PNMA6F: variants seen among roughly 807,000 people sequenced by gnomAD.
PNMA6F encodes the protein PNMA family member 6F.
For missense variants in PNMA6F, 57 were observed against 10.8 expected (o/e 5.25, Z -5.98); for synonymous variants, 14 against 3.4 (o/e 4.15, Z -3.45).
Position 153,320,160 on chromosome X carries a change from G to T in PNMA6F, c.515C>A (p.Ala172Glu). The T allele has an allele frequency of 3.2e-6, 1 of 312,695 alleles. No homozygotes were observed. The highest frequency in any genetic ancestry group is 1.2e-4 in the South Asian group (1 of 8,684). The allele number at this position is 312,695 out of a possible 1,213,427, so 25.8% of individuals were successfully genotyped here. The change falls in exon 2 of 2, where the codon GCA becomes GAA. Residue 172 changes from alanine (A) to glutamate (E), a missense_variant. By Grantham distance (107) the Ala-to-Glu change is moderately radical. Coordinates refer to ENST00000436629, the MANE Select transcript of PNMA6F (RefSeq NM_001354980.2). ...GEAGAAGEAG[A>E]AGEAGGAGEA... ...ACCTGCACCTCCTGCCTCACCTGCT[G>T]CTCCTGCCTCACCTGCTGCTCCTGC...
rs2051976616 is a variant in PNMA6F, at chrX:153,319,090, T to G, written c.1585A>C (p.Ser529Arg). The G allele has an allele frequency of 6.6e-6, 2 of 303,786 alleles. No homozygotes were observed. The highest frequency in any genetic ancestry group is 1.2e-4 in the Admixed American group (2 of 16,668). 25.0% of individuals were successfully genotyped at this position (303,786 alleles called of 1,213,427 possible). A position where few individuals can be genotyped will look rare whatever the true frequency, so the allele number is the denominator to read the frequency against. Reference protein sequence around the residue: ...SAVDMAPGGPSWEPEGLVQVG... With the variant: ...SAVDMAPGGPRWEPEGLVQVG... ...TGGACAAGGCCCTCTGGCTCCCAGC[T>G]GGGACCTCCTGGGGCCATGTCGACT... Residue 529 changes from serine to arginine, a missense_variant, in exon 2 of 2, where the codon AGC becomes CGC. Coordinates refer to ENST00000436629, the MANE Select transcript of PNMA6F (RefSeq NM_001354980.2).
In PNMA6F at chrX:153,318,822, G is replaced by A. The variant is rs1184584460; in HGVS notation, c.*116C>T. 2 of 296,700 alleles carry A rather than the reference G, an allele frequency of 6.7e-6. No individual in the cohort carries two copies. The highest frequency in any genetic ancestry group is 2.2e-4 in the South Asian group (1 of 4,508). 24.5% of individuals were successfully genotyped at this position (296,700 alleles called of 1,213,427 possible). On this transcript the variant is annotated 3_prime_UTR_variant, in exon 2 of 2. Coordinates refer to ENST00000436629, the MANE Select transcript of PNMA6F (RefSeq NM_001354980.2). Reference sequence around the variant, plus strand: ...GGTGGTGGTGGCCAGGACCCATTAGGGGAGGTGGGAGGCACAGCTCCCAAC... The same window carrying A: ...GGTGGTGGTGGCCAGGACCCATTAGAGGAGGTGGGAGGCACAGCTCCCAAC...
chrX:153,319,648 A>G lies in PNMA6F; in HGVS notation c.1027T>C (p.Phe343Leu). Residue 343 changes from phenylalanine to leucine, a missense_variant, in exon 2 of 2, where the codon TTC becomes CTC. By Grantham distance (22) the Phe-to-Leu change is conservative. Coordinates refer to ENST00000436629, the MANE Select transcript of PNMA6F (RefSeq NM_001354980.2). The stretch of plus-strand genomic sequence containing the variant: ...TGGGGCCCCTGCGTGCAGGTCAGGA[A>G]CTTCATCCGCGAGGTCATCCATGTA... ...RDTWMTSRMK[F>L]LTCTQGPQEG... 1 of 298,056 alleles carries G rather than the reference A, an allele frequency of 3.4e-6. No homozygotes were observed. Among genetic ancestry groups the G allele is most frequent in the Non-Finnish European group, 5.9e-6 (1 of 170,502 alleles). The allele number at this position is 298,056 out of a possible 1,213,427, so 24.6% of individuals were successfully genotyped here.
chrX:153,319,343 C>T lies in PNMA6F; in HGVS notation c.1332G>A (p.Val444=), dbSNP rs1327219188. Residue 444 remains valine, a synonymous_variant, in exon 2 of 2, where the codon GTG becomes GTA. Transcript: ENST00000436629. ...GGGCAGCAGCTGGGTCTTCACTCTC[C>T]ACTGGGGCCGCTGCCCAGGCCACAC... ...QQGVAWAAAP[V]ESEDPAAAQA... 18 of 297,052 alleles carry T rather than the reference C, an allele frequency of 6.1e-5. No homozygotes were observed. Among genetic ancestry groups the T allele is most frequent in the Non-Finnish European group, 8.8e-5 (15 of 170,157 alleles). The allele number at this position is 297,052 out of a possible 1,213,427, so 24.5% of individuals were successfully genotyped here. A position where few individuals can be genotyped will look rare whatever the true frequency, so the allele number is the denominator to read the frequency against.
At position 153,320,130 on chromosome X, in the gene PNMA6F, G is replaced by T. The variant is rs1353493339; in HGVS notation, c.545C>A (p.Ala182Glu). ...ACCTCCTGCCTCACCTGCACCTCCT[G>T]CCTCACCTGCACCTCCTGCCTCACC... The part of the protein sequence containing the change: ...AAGEAGGAGE[A>E]GGAGEAGGAG... Residue 182 changes from alanine (A) to glutamate (E), a missense_variant, in exon 2 of 2, where the codon GCA becomes GAA. By Grantham distance (107) the Ala-to-Glu change is moderately radical. Transcript: ENST00000436629. 2.6e-5 allele frequency: 9 copies of T among 348,895 alleles called. No homozygotes were observed. Among genetic ancestry groups the T allele is most frequent in the Non-Finnish European group, 3.9e-5 (8 of 205,296 alleles). The allele number at this position is 348,895 out of a possible 1,213,427, so 28.8% of individuals were successfully genotyped here. A position where few individuals can be genotyped will look rare whatever the true frequency, so the allele number is the denominator to read the frequency against.
chrX:153,319,189 C>T lies in PNMA6F; in HGVS notation c.1486G>A (p.Ala496Thr). 3.3e-6 allele frequency: 1 copy of T among 298,555 alleles called. No homozygotes were observed. The highest frequency in any genetic ancestry group is 5.9e-6 in the Non-Finnish European group (1 of 170,601). 24.6% of individuals were successfully genotyped at this position (298,555 alleles called of 1,213,427 possible). A position where few individuals can be genotyped will look rare whatever the true frequency, so the allele number is the denominator to read the frequency against. Residue 496 changes from alanine (A) to threonine (T), a missense_variant, in exon 2 of 2, where the codon GCA becomes ACA. Ala to Thr is a moderately conservative substitution (Grantham distance 58, BLOSUM62 0). Transcript: ENST00000436629. ...PATGEDENAP[A>T]GLEGLGQGRS... is the part of the protein sequence containing the mutation. ...CCCTGACCTAGGCCTTCAAGGCCTG[C>T]AGGGGCATTTTCATCTTCCCCAGTG... is the stretch of plus-strand genomic sequence containing the variant.
Position 153,320,318 on chromosome X carries a change from T to C in PNMA6F, c.357A>G (p.Glu119=), listed in dbSNP as rs1018693955. The C allele has an allele frequency of 2.0e-4, 62 of 314,836 alleles. No homozygotes were observed. The highest frequency in any genetic ancestry group is 1.7e-3 in the Middle Eastern group (2 of 1,185). 25.9% of individuals were successfully genotyped at this position (314,836 alleles called of 1,213,427 possible). Residue 119 remains glutamate (E), a synonymous_variant, in exon 2 of 2, where the codon GAA becomes GAG. Transcript: ENST00000436629. The part of the protein sequence containing the change: ...QGQAVARGAG[E]AGAAGEAGSV... Reference sequence around the variant, plus strand: ...ATCCTGCCTCACCTGCAGCTCCTGCTTCACCTGCACCTCTGGCCACTGCTT... The same window carrying C: ...ATCCTGCCTCACCTGCAGCTCCTGCCTCACCTGCACCTCTGGCCACTGCTT...
At position 153,319,226 on chromosome X, in the gene PNMA6F, C is replaced by G. The variant is rs782502870; in HGVS notation, c.1449G>C (p.Arg483Ser). The change falls in exon 2 of 2, where the codon AGG (arginine) becomes AGC (serine). Residue 483 changes from arginine (R) to serine (S), a missense_variant. By Grantham distance (110) the Arg-to-Ser change is moderately radical. Coordinates refer to ENST00000436629, the MANE Select transcript of PNMA6F (RefSeq NM_001354980.2). ...EAASTTKEAA[R>S]VAPATGEDEN... ...CATCTTCCCCAGTGGCAGGGGCAAC[C>G]CTGGCGGCCTCTTTGGTGGTGGAAG... 4 of 298,503 alleles carry G rather than the reference C, an allele frequency of 1.3e-5. No individual in the cohort carries two copies. Among genetic ancestry groups the G allele is most frequent in the Non-Finnish European group, 2.3e-5 (4 of 170,582 alleles). The allele number at this position is 298,503 out of a possible 1,213,427, so 24.6% of individuals were successfully genotyped here. A position where few individuals can be genotyped will look rare whatever the true frequency, so the allele number is the denominator to read the frequency against.
rs2051982471 is a variant in PNMA6F at position 153,319,719 on chromosome X, G to A, written c.956C>T (p.Ala319Val). ...CCCCAGCGCCGTCAGGCAGTCCTGC[G>A]CAGAGAAGTCTGGATCTTCCTCCAG... is the stretch of plus-strand genomic sequence containing the variant. ...GLLEEDPDFS[A>V]QDCLTALGQV... is the part of the protein sequence containing the mutation. The change falls in exon 2 of 2, where the codon GCG (alanine) becomes GTG (valine). Residue 319 changes from alanine (A) to valine (V), a missense_variant. Transcript: ENST00000436629. 10 of 298,009 alleles carry A rather than the reference G, an allele frequency of 3.4e-5. No individual in the cohort carries two copies. Among genetic ancestry groups the A allele is most frequent in the Admixed American group, 6.0e-5 (1 of 16,557 alleles). The allele number at this position is 298,009 out of a possible 1,213,427, so 24.6% of individuals were successfully genotyped here.
chrX:153,321,389 A>C (rs868913741), intron 1 of PNMA6F, 163 bp downstream of exon 1: 106 of 7,674 alleles, frequency 0.014, no homozygotes, highest in Non-Finnish European at 0.016. Context: ...CCTACCCCCC[A>C]CCCCCGCCCC....
At position 153,320,229 on chromosome X, in the gene PNMA6F, A is replaced by G. The variant is rs782246062; in HGVS notation, c.446T>C (p.Ile149Thr). Residue 149 changes from isoleucine (I) to threonine (T), a missense_variant, in exon 2 of 2, where the codon ATA becomes ACA. Physicochemically the swap from Ile to Thr is moderately conservative, Grantham distance 89 (BLOSUM62 -1). Transcript: ENST00000436629. ...RSAGEDEAGG[I>T]GEAGGVGEAG... Reference sequence around the variant, plus strand: ...CTCACCTACACCTCCTGCCTCACCTATACCTCCTGCCTCATCTTCACCTGC... The same window carrying G: ...CTCACCTACACCTCCTGCCTCACCTGTACCTCCTGCCTCATCTTCACCTGC... 8.7e-5 allele frequency: 28 copies of G among 320,854 alleles called. No individual in the cohort carries two copies. Among genetic ancestry groups the G allele is most frequent in the African/African-American group, 8.4e-4 (28 of 33,514 alleles). The allele number at this position is 320,854 out of a possible 1,213,427, so 26.4% of individuals were successfully genotyped here.
Position 153,320,251 on chromosome X carries a change from C to T in PNMA6F, c.424G>A (p.Gly142Ser), listed in dbSNP as rs1328043424. Residue 142 changes from glycine to serine, a missense_variant, in exon 2 of 2, where the codon GGT (glycine) becomes AGT (serine). Coordinates refer to ENST00000436629, the MANE Select transcript of PNMA6F (RefSeq NM_001354980.2). ...CCTATACCTCCTGCCTCATCTTCAC[C>T]TGCAGATCTTTCCTCATTCACACCT... ...AGGVNEERSA[G>S]EDEAGGIGEA... The T allele has an allele frequency of 3.0e-6, 1 of 328,910 alleles. No homozygotes were observed. Among genetic ancestry groups the T allele is most frequent in the Non-Finnish European group, 5.2e-6 (1 of 190,971 alleles). 27.1% of individuals were successfully genotyped at this position (328,910 alleles called of 1,213,427 possible).
Position 153,319,951 on chromosome X carries a change from G to A in PNMA6F, c.724C>T (p.Arg242Trp), listed in dbSNP as rs1487180365. 20 of 304,479 alleles carry A rather than the reference G, an allele frequency of 6.6e-5. No individual in the cohort carries two copies. Among genetic ancestry groups the A allele is most frequent in the Admixed American group, 1.8e-4 (3 of 16,761 alleles). The allele number at this position is 304,479 out of a possible 1,213,427, so 25.1% of individuals were successfully genotyped here. A position where few individuals can be genotyped will look rare whatever the true frequency, so the allele number is the denominator to read the frequency against. ...TAGGCCATAGTTTTCACCAGAGGCC[G>A]CAGGGTCTGGCGCCATGACTGGGTC... ...AWTQSWRQTL[R>W]PLVKTMAYRE... The change falls in exon 2 of 2, where the codon CGG (arginine) becomes TGG (tryptophan). Residue 242 changes from arginine (R) to tryptophan (W), a missense_variant. By Grantham distance (101) the Arg-to-Trp change is moderately radical. Coordinates refer to ENST00000436629, the MANE Select transcript of PNMA6F (RefSeq NM_001354980.2).
At position 153,320,025 on chromosome X, in the gene PNMA6F, T is replaced by G. The variant is rs2051985317; in HGVS notation, c.650A>C (p.Glu217Ala). ...GGAGEEGGED[E>A]AGAAGEAVGA... Reference sequence around the variant, plus strand: ...TACTGCCTCACCTGCAGCTCCTGCCTCATCTTCACCTCCTTCCTCACCTGC... The same window carrying G: ...TACTGCCTCACCTGCAGCTCCTGCCGCATCTTCACCTCCTTCCTCACCTGC... Residue 217 changes from glutamate to alanine, a missense_variant, in exon 2 of 2, where the codon GAG becomes GCG. Physicochemically the swap from Glu to Ala is moderately radical, Grantham distance 107. Transcript: ENST00000436629. 1 of 352,303 alleles carries G rather than the reference T, an allele frequency of 2.8e-6. No homozygotes were observed. The highest frequency in any genetic ancestry group is 4.9e-6 in the Non-Finnish European group (1 of 206,024). 29.0% of individuals were successfully genotyped at this position (352,303 alleles called of 1,213,427 possible).
In PNMA6F at chrX:153,319,342, C is replaced by T. The variant is rs1433235829; in HGVS notation, c.1333G>A (p.Glu445Lys). The T allele has an allele frequency of 1.7e-5, 5 of 296,819 alleles. No individual in the cohort carries two copies. The highest frequency in any genetic ancestry group is 5.4e-5 in the African/African-American group (2 of 36,736). The allele number at this position is 296,819 out of a possible 1,213,427, so 24.5% of individuals were successfully genotyped here. A position where few individuals can be genotyped will look rare whatever the true frequency, so the allele number is the denominator to read the frequency against. Reference protein sequence around the residue: ...QGVAWAAAPVESEDPAAAQAS... With the variant: ...QGVAWAAAPVKSEDPAAAQAS... ...TGGGCAGCAGCTGGGTCTTCACTCTCCACTGGGGCCGCTGCCCAGGCCACA... is the reference window on the plus strand; with the variant it reads ...TGGGCAGCAGCTGGGTCTTCACTCTTCACTGGGGCCGCTGCCCAGGCCACA... The change falls in exon 2 of 2, where the codon GAG becomes AAG. Residue 445 changes from glutamate (E) to lysine (K), a missense_variant. Physicochemically the swap from Glu to Lys is moderately conservative, Grantham distance 56. Coordinates refer to ENST00000436629, the MANE Select transcript of PNMA6F (RefSeq NM_001354980.2).
Position 153,321,753 on chromosome X carries a change from C to G in PNMA6F, c.-285G>C, listed in dbSNP as rs1228070957. The stretch of plus-strand genomic sequence containing the variant: ...CAGGGCTTCCCGCTTCTCCCAGAAG[C>G]CCCAGGTAGATGAGGAAGAAAAATT... On this transcript the variant is annotated 5_prime_UTR_variant, in exon 1 of 2. Transcript: ENST00000436629. 1.8e-5 allele frequency: 2 copies of G among 110,282 alleles called. No homozygotes were observed. The highest frequency in any genetic ancestry group is 6.6e-5 in the African/African-American group (2 of 30,256). The allele number at this position is 110,282 out of a possible 1,213,427, so 9.1% of individuals were successfully genotyped here. A position where few individuals can be genotyped will look rare whatever the true frequency, so the allele number is the denominator to read the frequency against.
chrX:153,320,907 C>G (rs1341972110), intron 1 of PNMA6F, 150 bp from the exon 2 acceptor site: 1 of 260,266 alleles, frequency 3.8e-6, no homozygotes, highest in African/African-American at 2.9e-5. Flanking sequence ...AGCCCTCCCC[C>G]AGTTGGTGAC....
In PNMA6F at chrX:153,317,913, C is replaced by A; in HGVS notation, c.*1025G>T. The A allele has an allele frequency of 9.2e-6, 1 of 109,149 alleles. No individual in the cohort carries two copies. Among genetic ancestry groups the A allele is most frequent in the Non-Finnish European group, 2.1e-5 (1 of 47,350 alleles). The allele number at this position is 109,149 out of a possible 1,213,427, so 9.0% of individuals were successfully genotyped here. ...GAGGGCCCCAGGGTCCGCCTCTTGCCAGGATGGTGGACTCTGGCAGTGTCC... is the reference window on the plus strand; with the variant it reads ...GAGGGCCCCAGGGTCCGCCTCTTGCAAGGATGGTGGACTCTGGCAGTGTCC... On this transcript the variant is annotated 3_prime_UTR_variant, in exon 2 of 2. Coordinates refer to ENST00000436629, the MANE Select transcript of PNMA6F (RefSeq NM_001354980.2).
In PNMA6F at chrX:153,320,009, A is replaced by G; in HGVS notation, c.666T>C (p.Gly222=). The change falls in exon 2 of 2, where the codon GGT becomes GGC. Residue 222 remains glycine, a synonymous_variant. Transcript: ENST00000436629. ...EGGEDEAGAA[G]EAVGAGVVEA... The stretch of plus-strand genomic sequence containing the variant: ...CCACCACACCTGCACCTACTGCCTC[A>G]CCTGCAGCTCCTGCCTCATCTTCAC... 1 of 349,323 alleles carries G rather than the reference A, an allele frequency of 2.9e-6. No individual in the cohort carries two copies. 28.8% of individuals were successfully genotyped at this position (349,323 alleles called of 1,213,427 possible).
Sources: allele counts gnomAD v4.1 joint callset, GRCh38; gene constraint gnomAD v4.1.1; transcripts MANE v1.5; gene names NCBI Gene and HGNC (gene_info 2026-07-23, HGNC 2026-07-21).